The following DGKI variants were observed in gnomAD, a reference collection of about 807,000 sequenced individuals.
The protein encoded by DGKI is diacylglycerol kinase iota, also known as DAG kinase iota.
A neutral mutation model predicts 147.5 loss-of-function variants in DGKI; 55 were observed. The ratio of observed to expected loss-of-function variants is 0.37; its 90% CI spans 0.30 to 0.47. DGKI has a LOEUF of 0.47. Ranked by LOEUF, DGKI falls within the 20% of genes least tolerant of loss-of-function variation. DGKI has a pLI of 1.00. For missense variants in DGKI, 1,007 were observed against 1,323.8 expected (o/e 0.76, Z 3.71); for synonymous variants, 469 against 477.1 (o/e 0.98, Z 0.22).
intron 20 of DGKI, among the ~76,000 whole-genome samples, chr7:137,544,018 A>G (rs1422328053): frequency 6.6e-6 from 1 of 152,178 alleles, no homozygotes; most frequent in Non-Finnish European, 1.5e-5. Flanking sequence ...AATATATATC[A>G]TATGTAGATA....
At chr7:137,502,043 T>G (rs143201808) in intron 21 of DGKI, among the ~76,000 whole-genome samples, 11 of 152,300 alleles carry the variant, frequency 7.2e-5, no homozygotes, top group African/African-American at 2.6e-4. Context: ...AAGATGTGAC[T>G]TGCTCCCCCT....
At chr7:137,667,208 G>A (rs1217035455) in intron 3 of DGKI, among the ~76,000 whole-genome samples, 1 of 152,068 alleles carries the variant, frequency 6.6e-6, no homozygotes, top group African/African-American at 2.4e-5. Context: ...CGCAAATATG[G>A]ATATAAATAT....
At chr7:137,661,452 A>G (rs918940359) in intron 3 of DGKI, among the ~76,000 whole-genome samples, 2 of 152,092 alleles carry the variant, frequency 1.3e-5, no homozygotes, top group Non-Finnish European at 2.9e-5. Context: ...CTGTGAGTGC[A>G]TAAGGGGGCA....
chr7:137,523,451 TCA>T (rs1554422818), intron 20 of DGKI, among the ~76,000 whole-genome samples: 4 of 150,970 alleles, frequency 2.6e-5, no homozygotes, highest in South Asian at 4.2e-4. Context: ...TCTCTCTCTC[TCA>T]CACACACACA....
At chr7:137,779,982 A>T (rs1796471790) in intron 1 of DGKI, among the ~76,000 whole-genome samples, 1 of 152,198 alleles carries the variant, frequency 6.6e-6, no homozygotes, top group African/African-American at 2.4e-5. Flanking sequence ...TATTCAGGAG[A>T]TGATCTGTGA....
chr7:137,493,512 A>T (rs1029850143), intron 21 of DGKI, among the ~76,000 whole-genome samples: 1 of 152,124 alleles, frequency 6.6e-6, no homozygotes, highest in African/African-American at 2.4e-5. Flanking sequence ...GGGGGCCCAA[A>T]ATGAGCCCAC....
chr7:137,599,725 T>G, intron 11 of DGKI, 98 bp downstream of exon 11: 1 of 1,037,226 alleles, frequency 9.6e-7, no homozygotes, highest in South Asian at 1.4e-5. Flanking sequence ...AGATGACAGA[T>G]GGTCAGGATA....
chr7:137,527,065 C>T (rs906503409), intron 20 of DGKI, among the ~76,000 whole-genome samples: 15 of 152,048 alleles, frequency 9.9e-5, no homozygotes, highest in Admixed American at 2.0e-4. Flanking sequence ...TAAAGCAAGA[C>T]GTATGGTCAA....
At chr7:137,713,608 A>G (rs1991084) in intron 1 of DGKI, among the ~76,000 whole-genome samples, 55,527 of 152,066 alleles carry the variant, frequency 0.37, 10,480 homozygotes, top group South Asian at 0.5. Context: ...GGTTGCCATT[A>G]ACTTATTAAG....
chr7:137,576,478 T>C (rs1284634263), intron 17 of DGKI, among the ~76,000 whole-genome samples: 1 of 152,234 alleles, frequency 6.6e-6, no homozygotes, highest in Non-Finnish European at 1.5e-5. Flanking sequence ...TACGACTATG[T>C]GCAACAAAGT....
intron 8 of DGKI, among the ~76,000 whole-genome samples, chr7:137,611,005 G>A (rs1003514790): frequency 9.2e-5 from 14 of 152,120 alleles, no homozygotes; most frequent in Admixed American, 8.5e-4. Flanking sequence ...CTAGACCCCA[G>A]GTCATTCCTC....
At chr7:137,522,743 G>A (rs997612179) in intron 20 of DGKI, among the ~76,000 whole-genome samples, 5 of 152,046 alleles carry the variant, frequency 3.3e-5, no homozygotes, top group South Asian at 2.1e-4. Flanking sequence ...TTTCTTAAGC[G>A]ATATTTTGAA....
Position 137,654,665 on chromosome 7 carries a change from T to A in DGKI, c.738+67A>T, listed in dbSNP as rs1822155225. On this transcript the variant is annotated intron_variant, in intron 5 of 32. Transcript: ENST00000614521. ...TTTATTTTTTATTCCCTGGTGAATATCTATGAATCCACTGAATCAATGAGA... is the reference window on the plus strand; with the variant it reads ...TTTATTTTTTATTCCCTGGTGAATAACTATGAATCCACTGAATCAATGAGA... The A allele has an allele frequency of 3.5e-6, 4 of 1,149,230 alleles. No homozygotes were observed. The East Asian group carries it at 9.4e-5, about 27-fold the overall frequency. 71.2% of individuals were successfully genotyped at this position (1,149,230 alleles called of 1,614,324 possible).
At position 137,477,578 on chromosome 7, in the gene DGKI, C is replaced by T. The variant is rs543346435; in HGVS notation, c.2373+7796G>A. Reference sequence around the variant, plus strand: ...ATTAGCAAGATGAATTTCCATGGTACATTACTGTTAAAAATAAATTGTGGT... The same window carrying T: ...ATTAGCAAGATGAATTTCCATGGTATATTACTGTTAAAAATAAATTGTGGT... On this transcript the variant is annotated intron_variant, in intron 23 of 32. Transcript: ENST00000614521. Among the ~76,000 whole-genome samples, 12 of 152,288 alleles carry T rather than the reference C, an allele frequency of 7.9e-5. No homozygotes were observed. In the South Asian group the frequency reaches 2.5e-3, roughly 32 times the overall value.
chr7:137,419,141 G>A (rs1238575726), intron 28 of DGKI, among the ~76,000 whole-genome samples: 1 of 152,130 alleles, frequency 6.6e-6, no homozygotes, highest in Non-Finnish European at 1.5e-5. Flanking sequence ...TTTCTCCTCT[G>A]TTTAACTTGG....
At chr7:137,782,132 C>T (rs531516579) in intron 1 of DGKI, among the ~76,000 whole-genome samples, 1 of 152,258 alleles carries the variant, frequency 6.6e-6, no homozygotes, top group Admixed American at 6.5e-5. Flanking sequence ...TCTGCAGACT[C>T]CTTGAGACAC....
rs1014396106 is a variant in DGKI, at chr7:137,447,701, C to T, written c.2736-3599G>A. ...GTGGCAAGGGCCATTTCATACATGG[C>T]GTGTGGGGCCCCGGTGAAGTACTTG... On this transcript the variant is annotated intron_variant, in intron 27 of 32. Transcript: ENST00000614521. 3.3e-5 allele frequency among the ~76,000 whole-genome samples: 5 copies of T among 152,220 alleles called. No individual in the cohort carries two copies. In the East Asian group the frequency reaches 7.7e-4, roughly 24 times the overall value.
intron 1 of DGKI, among the ~76,000 whole-genome samples, chr7:137,828,255 T>C (rs1798117132): frequency 6.6e-6 from 1 of 152,274 alleles, no homozygotes; most frequent in Admixed American, 6.5e-5. Flanking sequence ...AACTTTAAGG[T>C]AAAAATCATT....
intron 1 of DGKI, among the ~76,000 whole-genome samples, chr7:137,794,690 A>G (rs555483979): frequency 6.6e-6 from 1 of 152,336 alleles, no homozygotes; most frequent in African/African-American, 2.4e-5. Flanking sequence ...GTCCCCAGTC[A>G]ATCCCAAAGC....
Sources: allele counts gnomAD v4.1 joint callset (sites outside exome capture counted in the v4.1 genomes callset), GRCh38; gene constraint gnomAD v4.1.1; transcripts MANE v1.5; gene names NCBI Gene and HGNC (gene_info 2026-07-23, HGNC 2026-07-21).